Variants in HSF2BP observed in about 807,000 individuals in gnomAD.
The protein encoded by HSF2BP is heat shock transcription factor 2 binding protein.
In HSF2BP, 35 loss-of-function variants were observed where a neutral mutation model predicts 35.0. The observed-to-expected ratio is 1.00, with a 90% CI of 0.76 to 1.32. The LOEUF is 1.32. Ranked by LOEUF, HSF2BP falls within the 40% of genes most tolerant of loss-of-function variation. HSF2BP has a pLI of 0.00. For missense variants in HSF2BP, 326 were observed against 321.7 expected (o/e 1.01, Z -0.10); for synonymous variants, 114 against 117.4 (o/e 0.97, Z 0.18).
intron 7 of HSF2BP, among the ~76,000 whole-genome samples, chr21:43,612,010 C>G (rs1601666204): frequency 3.9e-5 from 6 of 152,286 alleles, no homozygotes; most frequent in South Asian, 4.1e-4. Flanking sequence ...ATCCAGACCA[C>G]CCAGGTCTCA....
intron 8 of HSF2BP, among the ~76,000 whole-genome samples, chr21:43,576,269 T>C (rs1446361896): frequency 6.6e-6 from 1 of 152,226 alleles, no homozygotes; most frequent in South Asian, 2.1e-4. Flanking sequence ...CCTATTTGTT[T>C]TGTGAGTTCC....
chr21:43,580,272 A>G (rs1025677059), intron 8 of HSF2BP, among the ~76,000 whole-genome samples: 4 of 152,128 alleles, frequency 2.6e-5, no homozygotes, highest in African/African-American at 9.7e-5. Flanking sequence ...ATTCATCTTC[A>G]TGTAAACTCA....
intron 3 of HSF2BP, among the ~76,000 whole-genome samples, chr21:43,647,412 G>A (rs904458524): frequency 6.6e-6 from 1 of 152,026 alleles, no homozygotes; most frequent in African/African-American, 2.4e-5. Context: ...TGTATTTTTA[G>A]TAGAGATGGG....
In HSF2BP at chr21:43,617,237, A is replaced by AAT. The variant is rs1439323308; in HGVS notation, c.575-3292_575-3291dup. On this transcript the variant is annotated intron_variant, in intron 6 of 8. Coordinates refer to ENST00000291560, the MANE Select transcript of HSF2BP (RefSeq NM_007031.2). Reference sequence around the variant, plus strand: ...TACTAATACATCGCTGAAGAAAAAAAATATATATATATGTATCTCATAGCA... The same window carrying AAT: ...TACTAATACATCGCTGAAGAAAAAAAATATATATATATATGTATCTCATAGCA... Among the ~76,000 whole-genome samples, 5 of 152,012 alleles carry AAT rather than the reference A, an allele frequency of 3.3e-5. No homozygotes were observed. In the South Asian group the frequency reaches 1.0e-3, roughly 32 times the overall value.
At chr21:43,620,472 G>T (rs1247343002) in intron 6 of HSF2BP, among the ~76,000 whole-genome samples, 1 of 152,108 alleles carries the variant, frequency 6.6e-6, no homozygotes, top group Non-Finnish European at 1.5e-5. Flanking sequence ...CTGAGATAGG[G>T]GCCTTGGGGC....
At chr21:43,639,437 T>C (rs556013543) in intron 4 of HSF2BP, among the ~76,000 whole-genome samples, 6 of 151,556 alleles carry the variant, frequency 4.0e-5, no homozygotes, top group Admixed American at 1.3e-4. Flanking sequence ...TATCAAGAGC[T>C]CAAACGCAAA....
At chr21:43,585,248 T>C (rs148569785) in intron 8 of HSF2BP, among the ~76,000 whole-genome samples, 1 of 152,290 alleles carries the variant, frequency 6.6e-6, no homozygotes, top group Non-Finnish European at 1.5e-5. Context: ...GAATTCGATT[T>C]ACAGTCAGCT....
intron 8 of HSF2BP, among the ~76,000 whole-genome samples, chr21:43,578,126 ATGCAC>A (rs1221613006): frequency 6.6e-6 from 1 of 152,188 alleles, no homozygotes; most frequent in African/African-American, 2.4e-5. Flanking sequence ...CACATGGACC[ATGCAC>A]TGTTGGCAGA....
chr21:43,657,328 C>T (rs1391649328), intron 2 of HSF2BP, among the ~76,000 whole-genome samples: 1 of 152,206 alleles, frequency 6.6e-6, no homozygotes, highest in Admixed American at 6.5e-5. Context: ...CCACTGCACT[C>T]CAGTCTGGGC....
At chr21:43,599,565 G>T (rs904055548) in intron 7 of HSF2BP, among the ~76,000 whole-genome samples, 1 of 151,980 alleles carries the variant, frequency 6.6e-6, no homozygotes. Flanking sequence ...AGGCTGAGGC[G>T]GGCAGGTCAC....
At chr21:43,613,775 G>T in intron 7 of HSF2BP, 55 bp downstream of exon 7, 2 of 1,184,106 alleles carry the variant, frequency 1.7e-6, no homozygotes, top group Non-Finnish European at 2.5e-6. Flanking sequence ...GGCCCAATCA[G>T]CACAGTCTAA....
intron 3 of HSF2BP, among the ~76,000 whole-genome samples, chr21:43,652,219 A>G (rs1477842896): frequency 6.6e-6 from 1 of 151,962 alleles, no homozygotes; most frequent in Non-Finnish European, 1.5e-5. Flanking sequence ...CGTGGCCAAT[A>G]TGGTGAAATC....
At chr21:43,637,998 T>G (rs1478814854) in intron 4 of HSF2BP, among the ~76,000 whole-genome samples, 1 of 152,152 alleles carries the variant, frequency 6.6e-6, no homozygotes, top group African/African-American at 2.4e-5. Context: ...AGCACAGTGC[T>G]GTAGTGCTGG....
At chr21:43,639,676 A>AT (rs145210589) in intron 4 of HSF2BP, among the ~76,000 whole-genome samples, 6,234 of 152,260 alleles carry the variant, frequency 0.041, 437 homozygotes, top group African/African-American at 0.14. Flanking sequence ...TCACTCATAC[A>AT]TTTTGGTGGG....
chr21:43,658,199 A>C lies in HSF2BP; in HGVS notation c.-103T>G. 7.5e-7 allele frequency: 1 copy of C among 1,329,810 alleles called. No homozygotes were observed. Among genetic ancestry groups the C allele is most frequent in the Non-Finnish European group, 1.0e-6 (1 of 1,004,536 alleles). The allele number at this position is 1,329,810 out of a possible 1,614,324, so 82.4% of individuals were successfully genotyped here. A position where few individuals can be genotyped will look rare whatever the true frequency, so the allele number is the denominator to read the frequency against. ...AATCCACGCCGGGGGTCGGGAACGG[A>C]GAGCCGCCAGGCCCAAACCTCCCAG... On this transcript the variant is annotated 5_prime_UTR_variant, in exon 2 of 9. Coordinates refer to ENST00000291560, the MANE Select transcript of HSF2BP (RefSeq NM_007031.2).
At position 43,659,471 on chromosome 21, in the gene HSF2BP, A is replaced by C. The variant is rs2082935058; in HGVS notation, c.-310T>G. ...GGGCTGGGCCGCTCCGCCAGCTGCC[A>C]GGGCCACTGCCGCGCTCACTCCCAG... On this transcript the variant is annotated 5_prime_UTR_variant, in exon 1 of 9. Transcript: ENST00000291560. The surrounding 1 kb of genome is among the most constrained non-coding windows in gnomAD (Gnocchi z 4.2). The C allele has an allele frequency of 7.4e-6, 3 of 406,734 alleles. No individual in the cohort carries two copies. The highest frequency in any genetic ancestry group is 1.1e-5 in the Non-Finnish European group (3 of 272,376). The allele number at this position is 406,734 out of a possible 1,614,324, so 25.2% of individuals were successfully genotyped here. A position where few individuals can be genotyped will look rare whatever the true frequency, so the allele number is the denominator to read the frequency against.
At chr21:43,585,662 C>T (rs1189693712) in intron 8 of HSF2BP, among the ~76,000 whole-genome samples, 1 of 151,146 alleles carries the variant, frequency 6.6e-6, no homozygotes, top group East Asian at 1.9e-4. Flanking sequence ...AAAAAAAACA[C>T]CTAGGTGGGA....
intron 4 of HSF2BP, among the ~76,000 whole-genome samples, chr21:43,643,175 A>G (rs1405555165): frequency 6.6e-6 from 1 of 152,366 alleles, no homozygotes; most frequent in South Asian, 2.1e-4. Flanking sequence ...TATATAAAAT[A>G]TAACTGGCTA....
chr21:43,611,357 A>C (rs1186958652), intron 7 of HSF2BP, among the ~76,000 whole-genome samples: 1 of 152,252 alleles, frequency 6.6e-6, no homozygotes, highest in Non-Finnish European at 1.5e-5. Context: ...GGTTCTGGAT[A>C]AGATGGCCTG....
Sources: gnomAD v4.1 joint callset for allele counts (sites outside exome capture counted in the v4.1 genomes callset) on GRCh38, gnomAD v4.1.1 for gene constraint, Gnocchi (gnomAD v3.1) non-coding constraint, MANE v1.5 for transcripts, NCBI Gene and HGNC (gene_info 2026-07-23, HGNC 2026-07-21) for gene names.